Variants in B4GALNT2 observed in about 807,000 individuals in gnomAD.
B4GALNT2 encodes N-acetylneuraminylgalactosylglucosyl-glucoside beta-1,4-N- acetylgalactosaminyltransferase 2.
In B4GALNT2, 42 loss-of-function variants were observed where a neutral mutation model predicts 51.1. That is an observed-to-expected ratio of 0.82 (90% CI 0.64 to 1.06). B4GALNT2 has a LOEUF of 1.06. Ranked by LOEUF, B4GALNT2 falls within the 50% of genes least tolerant of loss-of-function variation. B4GALNT2 has a pLI of 0.00. For synonymous variants in B4GALNT2, 253 were observed against 251.7 expected, an observed-to-expected ratio of 1.01 and a Z score of -0.05; for missense variants, 602 against 633.6, an observed-to-expected ratio of 0.95 and a Z score of 0.54.
chr17:49,126,935 C>G, the B4GALNT2 span, among the ~76,000 whole-genome samples: 1 of 152,172 alleles, frequency 6.6e-6, no homozygotes, highest in East Asian at 1.9e-4. Flanking sequence ...AGCTCCTGAC[C>G]TCAGGTGAAC....
rs2042991063 is a variant in B4GALNT2 at position 49,176,666 on chromosome 17, C to T, written c.*6938C>T. Reference sequence around the variant, plus strand: ...ATTTTATTTATGGCCAGTTTATGGCCAGATTTGGGGGCCTGTTCCCAACAG... The same window carrying T: ...ATTTTATTTATGGCCAGTTTATGGCTAGATTTGGGGGCCTGTTCCCAACAG... On this transcript the variant is annotated 3_prime_UTR_variant, in exon 11 of 11. Transcript: ENST00000393354. 1 of 152,160 alleles carries T rather than the reference C, an allele frequency of 6.6e-6. No individual in the cohort carries two copies. The highest frequency in any genetic ancestry group is 1.5e-5 in the Non-Finnish European group (1 of 68,054). 9.4% of individuals were successfully genotyped at this position (152,160 alleles called of 1,614,324 possible). A position where few individuals can be genotyped will look rare whatever the true frequency, so the allele number is the denominator to read the frequency against.
chr17:49,121,980 C>T, the B4GALNT2 span, among the ~76,000 whole-genome samples: 3 of 152,228 alleles, frequency 2.0e-5, no homozygotes, highest in African/African-American at 7.2e-5. Context: ...CAGGAGTGCT[C>T]TCTCTTACAG....
intron 9 of B4GALNT2, 101 bp from the exon 10 acceptor site, chr17:49,168,580 A>G: frequency 8.8e-7 from 1 of 1,134,550 alleles, no homozygotes; most frequent in South Asian, 1.4e-5. Context: ...AGAAATAACA[A>G]TTCTTGTTAT....
intron 10 of B4GALNT2, among the ~76,000 whole-genome samples, 199 bp downstream of exon 10, chr17:49,169,099 C>CTG (rs927198504): frequency 3.3e-5 from 5 of 151,922 alleles, no homozygotes; most frequent in African/African-American, 9.7e-5. Context: ...TCTTTGACTT[C>CTG]TGTGTCTCCT....
chr17:49,141,997 C>A (rs932791089), intron 2 of B4GALNT2, 38 bp from the exon 3 acceptor site: 1 of 1,612,258 alleles, frequency 6.2e-7, no homozygotes, highest in African/African-American at 1.3e-5. Flanking sequence ...CCAGCCTACC[C>A]ACCCAATCCA....
the B4GALNT2 span, among the ~76,000 whole-genome samples, chr17:49,123,249 T>C: frequency 6.6e-6 from 1 of 152,310 alleles, no homozygotes; most frequent in East Asian, 1.9e-4. Flanking sequence ...AGTTATTAGT[T>C]GTCAGTGCCA....
the B4GALNT2 span, among the ~76,000 whole-genome samples, chr17:49,122,090 G>A: frequency 0.021 from 3,188 of 152,204 alleles, 109 homozygotes; most frequent in African/African-American, 0.072. Context: ...GTCTCTGGTC[G>A]GAGGAGAGGT....
At chr17:49,169,414 A>C (rs1301269300) in intron 10 of B4GALNT2, 109 bp from the exon 11 acceptor site, 10 of 1,029,940 alleles carry the variant, frequency 9.7e-6, no homozygotes, top group Non-Finnish European at 1.3e-5. Context: ...GAACCTCCCC[A>C]GTGTATGAAC....
At chr17:49,125,927 T>C in the B4GALNT2 span, among the ~76,000 whole-genome samples, 199 of 130,692 alleles carry the variant, frequency 1.5e-3, no homozygotes, top group Non-Finnish European at 2.5e-3. Context: ...AGGTGAGGGG[T>C]GCCTCTGCCC....
chr17:49,137,647 A>G (rs1028271001), intron 1 of B4GALNT2, among the ~76,000 whole-genome samples: 2 of 152,234 alleles, frequency 1.3e-5, no homozygotes, highest in East Asian at 3.8e-4. Flanking sequence ...TGTATTTACT[A>G]AATTAAAATG....
the B4GALNT2 span, among the ~76,000 whole-genome samples, chr17:49,126,495 A>AT: frequency 1.5e-5 from 2 of 134,896 alleles, no homozygotes; most frequent in East Asian, 2.0e-4. Context: ...AGAATGATCA[A>AT]TAAAAAAAAA....
intron 3 of B4GALNT2, chr17:49,148,299 C>T (rs1282334284): frequency 8.9e-6 from 3 of 336,078 alleles, no homozygotes; most frequent in African/African-American, 2.3e-5. Flanking sequence ...GATCCTGTCT[C>T]GAAAAAAAAA....
At chr17:49,160,294 C>T (rs2042851089) in intron 6 of B4GALNT2, among the ~76,000 whole-genome samples, 2 of 152,130 alleles carry the variant, frequency 1.3e-5, no homozygotes, top group Admixed American at 6.6e-5. Context: ...AGCCCAGACC[C>T]TCTGGTTTCA....
chr17:49,152,630 CGCACTATT>C (rs1567861183), intron 3 of B4GALNT2, among the ~76,000 whole-genome samples, 162 bp from the exon 4 acceptor site: 4 of 152,134 alleles, frequency 2.6e-5, no homozygotes, highest in Admixed American at 1.3e-4. Context: ...GAGCCGAGAT[CGCACTATT>C]GCACTCCAGC....
chr17:49,169,005 C>T, intron 10 of B4GALNT2, 105 bp downstream of exon 10: 1 of 1,174,958 alleles, frequency 8.5e-7, no homozygotes, highest in Non-Finnish European at 1.2e-6. Context: ...AGTCGCTTGC[C>T]CAGTAGCAGT....
At chr17:49,163,707 C>T (rs970193150) in intron 7 of B4GALNT2, among the ~76,000 whole-genome samples, 1 of 136,008 alleles carries the variant, frequency 7.4e-6, no homozygotes, top group African/African-American at 2.8e-5. Flanking sequence ...AGTGAGCCGA[C>T]ATTGCACCAT....
In B4GALNT2 at chr17:49,132,823, C is replaced by T. The variant is rs1427973015; in HGVS notation, c.14+17C>T. 2.5e-5 allele frequency: 34 copies of T among 1,377,272 alleles called. No homozygotes were observed. Among genetic ancestry groups the T allele is most frequent in the Non-Finnish European group, 3.1e-5 (33 of 1,063,970 alleles). The allele number at this position is 1,377,272 out of a possible 1,614,324, so 85.3% of individuals were successfully genotyped here. ...TTCGGGCGGGTGAGTGTCCCCGGGG[C>T]AGAGCAGAGCGAGAGGTGAAACTTC... On this transcript the variant is annotated intron_variant, in intron 1 of 10. Coordinates refer to ENST00000393354, the MANE Select transcript of B4GALNT2 (RefSeq NM_001159387.2).
At chr17:49,157,987 T>C (rs1372130762) in intron 5 of B4GALNT2, among the ~76,000 whole-genome samples, 1 of 152,160 alleles carries the variant, frequency 6.6e-6, no homozygotes, top group Non-Finnish European at 1.5e-5. Flanking sequence ...CTGCGATGAC[T>C]CACAGAAGGC....
At chr17:49,141,938 T>A in intron 2 of B4GALNT2, 97 bp from the exon 3 acceptor site, 2 of 1,490,370 alleles carry the variant, frequency 1.3e-6, no homozygotes, top group Admixed American at 1.7e-5. Context: ...AAAGAAGATT[T>A]TCAGGGTAAA....
Sources: gnomAD v4.1 joint callset for allele counts (sites outside exome capture counted in the v4.1 genomes callset) on GRCh38, gnomAD v4.1.1 for gene constraint, MANE v1.5 for transcripts, NCBI Gene and HGNC (gene_info 2026-07-23, HGNC 2026-07-21) for gene names.